Variants in ASAP1 observed in about 807,000 individuals in gnomAD.
The protein encoded by ASAP1 is arf-GAP with SH3 domain, ANK repeat and PH domain-containing protein 1.
A neutral mutation model predicts 145.2 loss-of-function variants in ASAP1; 43 were observed. The observed-to-expected ratio is 0.30, with a 90% CI of 0.23 to 0.38. The LOEUF is 0.38. Among genes scored for constraint, ASAP1 ranks in the 10% least tolerant of loss-of-function variants. The pLI, the probability that ASAP1 is intolerant of heterozygous loss-of-function variation, is 1.00. For missense variants in ASAP1, 1,018 were observed against 1,355.3 expected, an observed-to-expected ratio of 0.75 and a Z score of 3.91; for synonymous variants, 546 against 515.5, an observed-to-expected ratio of 1.06 and a Z score of -0.80.
At chr8:130,141,233 T>C (rs936579833) in intron 13 of ASAP1, among the ~76,000 whole-genome samples, 3 of 152,182 alleles carry the variant, frequency 2.0e-5, no homozygotes, top group Non-Finnish European at 4.4e-5. Flanking sequence ...TTGATTCCCA[T>C]CCTGTTCAGA....
At chr8:130,286,855 C>T (rs965414982) in intron 3 of ASAP1, among the ~76,000 whole-genome samples, 6 of 152,196 alleles carry the variant, frequency 3.9e-5, no homozygotes, top group African/African-American at 1.4e-4. Context: ...CAAAAGTTCA[C>T]ACCCACAGGG....
At chr8:130,224,012 G>C (rs1565107627) in intron 4 of ASAP1, among the ~76,000 whole-genome samples, 4 of 152,140 alleles carry the variant, frequency 2.6e-5, no homozygotes, top group Non-Finnish European at 5.9e-5. Flanking sequence ...TTCAATGTAA[G>C]TGTAACCTAC....
intron 3 of ASAP1, among the ~76,000 whole-genome samples, chr8:130,278,828 C>T (rs569412042): frequency 6.6e-6 from 1 of 152,308 alleles, no homozygotes; most frequent in East Asian, 1.9e-4. Context: ...GGGGGCAGAA[C>T]CAGAATTCAA....
At chr8:130,080,074 C>G in intron 25 of ASAP1, 103 bp from the exon 26 acceptor site, 1 of 1,083,912 alleles carries the variant, frequency 9.2e-7, no homozygotes, top group South Asian at 1.3e-5. Flanking sequence ...GGTTCCAGAA[C>G]GGCATTTAAA....
intron 15 of ASAP1, among the ~76,000 whole-genome samples, chr8:130,128,772 A>G: frequency 6.6e-6 from 1 of 152,204 alleles, no homozygotes; most frequent in East Asian, 1.9e-4. Context: ...AGAGTTGATT[A>G]ACTAGGCCTG....
At chr8:130,276,109 T>C (rs1196195149) in intron 3 of ASAP1, among the ~76,000 whole-genome samples, 1 of 152,156 alleles carries the variant, frequency 6.6e-6, no homozygotes, top group Admixed American at 6.5e-5. Flanking sequence ...TGACAAAAGA[T>C]GTCACAAAAA....
intron 3 of ASAP1, among the ~76,000 whole-genome samples, chr8:130,304,882 A>G (rs1430681295): frequency 1.3e-5 from 2 of 152,164 alleles, no homozygotes; most frequent in African/African-American, 4.8e-5. Context: ...CAAAACAACA[A>G]AACTCCAAAG....
At chr8:130,061,605 T>C (rs1014448057) in intron 27 of ASAP1, among the ~76,000 whole-genome samples, 2 of 152,214 alleles carry the variant, frequency 1.3e-5, no homozygotes, top group East Asian at 1.9e-4. Context: ...TTTTACATGA[T>C]TCATGCAGTA....
rs530063249 is a variant in ASAP1 at position 130,265,095 on chromosome 8, G to A, written c.187-28101C>T. Among the ~76,000 whole-genome samples, 7 of 152,274 alleles carry A rather than the reference G, an allele frequency of 4.6e-5. No homozygotes were observed. In the South Asian group the frequency reaches 1.5e-3, roughly 32 times the overall value. ...GTGGCCCTTTTCTCATGGCAACAAA[G>A]GGCTGCTGGCAGCTTTAAATAGGAA... On this transcript the variant is annotated intron_variant, in intron 3 of 29. Coordinates refer to ENST00000518721, the MANE Select transcript of ASAP1 (RefSeq NM_018482.4).
At chr8:130,249,787 G>A (rs890648915) in intron 3 of ASAP1, among the ~76,000 whole-genome samples, 1 of 152,086 alleles carries the variant, frequency 6.6e-6, no homozygotes, top group African/African-American at 2.4e-5. Context: ...ACCCCAGGGT[G>A]TAGGAGAAGA....
intron 15 of ASAP1, among the ~76,000 whole-genome samples, chr8:130,130,301 C>G (rs2097581088): frequency 6.6e-6 from 1 of 152,208 alleles, no homozygotes. Flanking sequence ...AGGCTGGATT[C>G]TGTCAGACCA....
Position 130,334,897 on chromosome 8 carries a change from C to T in ASAP1, c.186+23120G>A, listed in dbSNP as rs183408202. On this transcript the variant is annotated intron_variant, in intron 3 of 29. Transcript: ENST00000518721. ...CAAAGTACCTTTGTCATAAATAAAC[C>T]CTCCCTTTAGATTATCCAAATACAT... 2.4e-4 allele frequency among the ~76,000 whole-genome samples: 37 copies of T among 152,118 alleles called. No homozygotes were observed. In the East Asian group the frequency reaches 6.8e-3, roughly 28 times the overall value.
intron 3 of ASAP1, among the ~76,000 whole-genome samples, chr8:130,243,441 C>T (rs1818662276): frequency 6.6e-6 from 1 of 152,106 alleles, no homozygotes; most frequent in South Asian, 2.1e-4. Context: ...TGAACACATA[C>T]ACACTCTCTC....
intron 3 of ASAP1, among the ~76,000 whole-genome samples, chr8:130,303,269 C>T (rs1822788508): frequency 6.6e-6 from 1 of 152,204 alleles, no homozygotes; most frequent in African/African-American, 2.4e-5. Context: ...TATTCTAGCA[C>T]AGCAAAACTA....
chr8:130,380,492 C>T lies in ASAP1; in HGVS notation c.59+21393G>A, dbSNP rs556064980. Reference sequence around the variant, plus strand: ...AGGGAACCAGGGTGCGCCAAGGGGACCCAGGGGGAGCACCAATGTGGTGCC... The same window carrying T: ...AGGGAACCAGGGTGCGCCAAGGGGATCCAGGGGGAGCACCAATGTGGTGCC... On this transcript the variant is annotated intron_variant, in intron 2 of 29. Coordinates refer to ENST00000518721, the MANE Select transcript of ASAP1 (RefSeq NM_018482.4). Among the ~76,000 whole-genome samples the T allele has an allele frequency of 5.3e-5, 8 of 152,224 alleles. No homozygotes were observed. The South Asian group carries it at 1.0e-3, about 20-fold the overall frequency.
At chr8:130,403,694 A>C (rs1387827129) in intron 1 of ASAP1, among the ~76,000 whole-genome samples, 1 of 151,640 alleles carries the variant, frequency 6.6e-6, no homozygotes, top group Admixed American at 6.6e-5. Context: ...CTGGGATTAC[A>C]GGTGTCCGCC....
chr8:130,069,071 A>C (rs2097436269), intron 27 of ASAP1, among the ~76,000 whole-genome samples: 2 of 152,220 alleles, frequency 1.3e-5, no homozygotes, highest in South Asian at 2.1e-4. Context: ...GGAAGGTGGA[A>C]ATTTTAAAAT....
intron 27 of ASAP1, among the ~76,000 whole-genome samples, chr8:130,075,435 T>C (rs2097460143): frequency 6.6e-6 from 1 of 152,156 alleles, no homozygotes; most frequent in Non-Finnish European, 1.5e-5. Flanking sequence ...TAACCCCCAG[T>C]TTGACTTCTG....
intron 29 of ASAP1, 26 bp from the exon 30 acceptor site, chr8:130,054,831 G>A (rs1399777814): frequency 6.3e-7 from 1 of 1,599,358 alleles, no homozygotes; most frequent in African/African-American, 1.3e-5. Context: ...AGAGTGGTCA[G>A]GATGGAGGCA....
Sources: allele counts gnomAD v4.1 joint callset (sites outside exome capture counted in the v4.1 genomes callset), GRCh38; gene constraint gnomAD v4.1.1; transcripts MANE v1.5; gene names NCBI Gene and HGNC (gene_info 2026-07-23, HGNC 2026-07-21).